CTIF: variants seen among roughly 807,000 people sequenced by gnomAD.
CTIF encodes cap binding complex dependent translation initiation factor.
A neutral mutation model predicts 66.0 loss-of-function variants in CTIF; 21 were observed. The ratio of observed to expected loss-of-function variants is 0.32; its 90% CI spans 0.23 to 0.46. The LOEUF (loss-of-function observed/expected upper bound fraction) is 0.46, where lower values mean the gene tolerates loss of function less well. Among genes scored for constraint, CTIF ranks in the 20% least tolerant of loss-of-function variants. CTIF has a pLI of 1.00. For synonymous variants in CTIF, 345 were observed against 326.4 expected (o/e 1.06, Z -0.62); for missense variants, 739 against 812.7 (o/e 0.91, Z 1.10).
chr18:48,817,819 A>G (rs963272815), intron 10 of CTIF, among the ~76,000 whole-genome samples: 3 of 151,184 alleles, frequency 2.0e-5, no homozygotes, highest in African/African-American at 7.3e-5. Context: ...AGAGATGTGC[A>G]ACAGCAGTCA....
At chr18:48,798,262 G>A (rs1290575969) in intron 9 of CTIF, among the ~76,000 whole-genome samples, 5 of 152,170 alleles carry the variant, frequency 3.3e-5, no homozygotes, top group South Asian at 2.1e-4. Flanking sequence ...ATGCTAAGCC[G>A]CTCACATTTA....
intron 9 of CTIF, among the ~76,000 whole-genome samples, chr18:48,787,730 T>C (rs1034345590): frequency 1.3e-5 from 2 of 152,140 alleles, no homozygotes; most frequent in African/African-American, 4.8e-5. Flanking sequence ...GCAGTCTGCT[T>C]CTCTTCCAAA....
At chr18:48,848,850 A>G (rs941730865) in intron 10 of CTIF, among the ~76,000 whole-genome samples, 1 of 152,248 alleles carries the variant, frequency 6.6e-6, no homozygotes, top group Admixed American at 6.5e-5. Context: ...GGAGGATATG[A>G]TGGGCGTGCC....
intron 7 of CTIF, among the ~76,000 whole-genome samples, chr18:48,719,462 A>T (rs1175177529): frequency 6.6e-6 from 1 of 152,210 alleles, no homozygotes; most frequent in Non-Finnish European, 1.5e-5. Context: ...ACATCAGCTC[A>T]TTCACATGAG....
At chr18:48,668,840 T>G (rs1291384422) in intron 5 of CTIF, among the ~76,000 whole-genome samples, 1 of 152,096 alleles carries the variant, frequency 6.6e-6, no homozygotes, top group East Asian at 1.9e-4. Context: ...CACTTGCTGC[T>G]CTACTGTGGG....
At chr18:48,558,193 G>A (rs931918949) in intron 1 of CTIF, among the ~76,000 whole-genome samples, 1 of 152,128 alleles carries the variant, frequency 6.6e-6, no homozygotes, top group South Asian at 2.1e-4. Context: ...GATACTTATG[G>A]ACTGGTACAA....
At position 48,619,643 on chromosome 18, in the gene CTIF, C is replaced by T. The variant is rs1482042129; in HGVS notation, c.78C>T (p.Arg26=). ...CCCAGGAGATCGAGGAGCTGGAGCG[C>T]TTCATCGACAGCTACGTGCTGGAGT... The part of the protein sequence containing the change: ...SRSQEIEELE[R]FIDSYVLEYQ... The change falls in exon 2 of 12, where the codon CGC becomes CGT. Residue 26 remains arginine (R), a synonymous_variant. Coordinates refer to ENST00000256413, the MANE Select transcript of CTIF (RefSeq NM_014772.3). The T allele has an allele frequency of 1.2e-6, 2 of 1,606,422 alleles. No individual in the cohort carries two copies. The highest frequency in any genetic ancestry group is 2.2e-5 in the East Asian group (1 of 44,606).
rs1253644107 is a variant in CTIF at position 48,861,819 on chromosome 18, A to T, written c.*2260A>T. On this transcript the variant is annotated 3_prime_UTR_variant, in exon 12 of 12. Transcript: ENST00000256413. Reference sequence around the variant, plus strand: ...GGCCTGGCCACAGGGGCAGCTCCCCATTGGCTGTTAGGACCAGAGTGTGAA... The same window carrying T: ...GGCCTGGCCACAGGGGCAGCTCCCCTTTGGCTGTTAGGACCAGAGTGTGAA... 6.6e-6 allele frequency: 1 copy of T among 152,224 alleles called. No homozygotes were observed. The highest frequency in any genetic ancestry group is 1.5e-5 in the Non-Finnish European group (1 of 68,054). 9.4% of individuals were successfully genotyped at this position (152,224 alleles called of 1,614,324 possible). A position where few individuals can be genotyped will look rare whatever the true frequency, so the allele number is the denominator to read the frequency against.
At chr18:48,841,696 C>T (rs1225670833) in intron 10 of CTIF, among the ~76,000 whole-genome samples, 1 of 147,148 alleles carries the variant, frequency 6.8e-6, no homozygotes, top group Non-Finnish European at 1.5e-5. Context: ...GGCAGGCGGG[C>T]AGGCCCCTCT....
chr18:48,680,542 C>T (rs2091722431), intron 6 of CTIF, among the ~76,000 whole-genome samples: 1 of 152,248 alleles, frequency 6.6e-6, no homozygotes, highest in Non-Finnish European at 1.5e-5. Context: ...GTGGCCCTGT[C>T]GACGGATGCC....
At chr18:48,701,076 G>A (rs535635143) in intron 6 of CTIF, among the ~76,000 whole-genome samples, 1 of 152,308 alleles carries the variant, frequency 6.6e-6, no homozygotes, top group African/African-American at 2.4e-5. Context: ...TTGCTCTCTA[G>A]AGTTCTTGAG....
At chr18:48,836,272 C>A (rs771962847) in intron 10 of CTIF, among the ~76,000 whole-genome samples, 1 of 152,186 alleles carries the variant, frequency 6.6e-6, no homozygotes, top group African/African-American at 2.4e-5. Flanking sequence ...CAGGTGCCCC[C>A]TCTTGAGCAC....
At chr18:48,568,016 C>T (rs1018410766) in intron 1 of CTIF, 14 of 152,096 alleles carry the variant, frequency 9.2e-5, no homozygotes, top group African/African-American at 2.9e-4. Flanking sequence ...ATCACTCATG[C>T]TTTCTGAGCC....
At chr18:48,680,509 G>A (rs1017602288) in intron 6 of CTIF, among the ~76,000 whole-genome samples, 2 of 152,268 alleles carry the variant, frequency 1.3e-5, no homozygotes, top group Non-Finnish European at 2.9e-5. Context: ...GGTACACAGT[G>A]AGCAGGCCCC....
At chr18:48,672,665 A>G (rs1247723696) in intron 6 of CTIF, among the ~76,000 whole-genome samples, 2 of 152,148 alleles carry the variant, frequency 1.3e-5, no homozygotes, top group Admixed American at 6.5e-5. Context: ...AAAGAGGGTG[A>G]CAAAGGGAGG....
At chr18:48,695,731 A>G (rs1211929184) in intron 6 of CTIF, among the ~76,000 whole-genome samples, 1 of 152,236 alleles carries the variant, frequency 6.6e-6, no homozygotes, top group African/African-American at 2.4e-5. Flanking sequence ...TGCTATCATT[A>G]TGATAGCTCA....
intron 7 of CTIF, among the ~76,000 whole-genome samples, chr18:48,718,217 G>A (rs2092299855): frequency 6.6e-6 from 1 of 152,176 alleles, no homozygotes; most frequent in Non-Finnish European, 1.5e-5. Context: ...TTGGAGAAAT[G>A]ATATCCATAT....
Position 48,629,510 on chromosome 18 carries a change from C to G in CTIF, c.181-7104C>G, listed in dbSNP as rs762320407. On this transcript the variant is annotated intron_variant, in intron 2 of 11. Coordinates refer to ENST00000256413, the MANE Select transcript of CTIF (RefSeq NM_014772.3). ...TTCCAGACATGATGCCCCTGTATCC[C>G]TTGACACTCCAGTGTGTATTTCCTC... 6.6e-5 allele frequency among the ~76,000 whole-genome samples: 10 copies of G among 151,938 alleles called. 1 individual carries two copies. Among genetic ancestry groups the G allele is most frequent in the Non-Finnish European group, 1.2e-4 (8 of 68,012 alleles).
chr18:48,814,740 C>T (rs2068326800), intron 9 of CTIF, among the ~76,000 whole-genome samples: 1 of 152,198 alleles, frequency 6.6e-6, no homozygotes, highest in Non-Finnish European at 1.5e-5. Flanking sequence ...GCTAGGACCC[C>T]CTGTGAACAC....
Sources: allele counts gnomAD v4.1 joint callset (sites outside exome capture counted in the v4.1 genomes callset), GRCh38; gene constraint gnomAD v4.1.1; transcripts MANE v1.5; gene names NCBI Gene and HGNC (gene_info 2026-07-23, HGNC 2026-07-21).